RP2: variants seen among roughly 807,000 people sequenced by gnomAD.
RP2 encodes RP2 activator of ARL3 GTPase, also known as protein XRP2.
A neutral mutation model predicts 20.3 loss-of-function variants in RP2; 3 were observed. That is an observed-to-expected ratio of 0.15 (90% CI 0.07 to 0.38). The LOEUF (loss-of-function observed/expected upper bound fraction) is 0.38, where lower values mean the gene tolerates loss of function less well. Ranked by LOEUF, RP2 falls within the 10% of genes least tolerant of loss-of-function variation. The pLI is 1.00. For synonymous variants in RP2, 75 were observed against 94.8 expected (o/e 0.79, Z 1.22); for missense variants, 233 against 268.5 (o/e 0.87, Z 0.92).
chrX:46,857,138 A>ATTT, intron 2 of RP2, among the ~76,000 whole-genome samples: 1 of 105,857 alleles, frequency 9.4e-6, no homozygotes, highest in African/African-American at 3.4e-5. Flanking sequence ...TTAAATAATG[A>ATTT]TTTTTTTTTT....
rs148150412 is a variant in RP2, at chrX:46,861,682, A to G, written c.883+1580A>G. Reference sequence around the variant, plus strand: ...CAACGTTGCAAGACCTTGTCACTACAAAAAATACAAAAATTAGCTAGGGGT... The same window carrying G: ...CAACGTTGCAAGACCTTGTCACTACGAAAAATACAAAAATTAGCTAGGGGT... On this transcript the variant is annotated intron_variant, in intron 3 of 4. Coordinates refer to ENST00000218340, the MANE Select transcript of RP2 (RefSeq NM_006915.3). Among the ~76,000 whole-genome samples the G allele has an allele frequency of 5.8e-3, 646 of 111,294 alleles. 6 individuals carry two copies. The highest frequency in any genetic ancestry group is 0.014 in the Middle Eastern group (3 of 216).
intron 2 of RP2, 71 bp from the exon 3 acceptor site, chrX:46,859,917 C>T: frequency 2.7e-6 from 2 of 741,372 alleles, no homozygotes; most frequent in Non-Finnish European, 4.2e-6. Flanking sequence ...CAGAGAAATA[C>T]TAGAATAGGA....
At chrX:46,860,838 G>A (rs1925049059) in intron 3 of RP2, among the ~76,000 whole-genome samples, 1 of 111,581 alleles carries the variant, frequency 9.0e-6, no homozygotes, top group Non-Finnish European at 1.9e-5. Context: ...CTAGAGAGAG[G>A]GCACATCTGC....
intron 2 of RP2, among the ~76,000 whole-genome samples, chrX:46,859,765 CCCTTAA>C (rs1925032467): frequency 9.0e-6 from 1 of 111,462 alleles, no homozygotes; most frequent in South Asian, 3.6e-4. Flanking sequence ...ATTTATTTGA[CCCTTAA>C]CCTTAACTGC....
At chrX:46,861,670 C>T (rs782651086) in intron 3 of RP2, among the ~76,000 whole-genome samples, 51 of 111,255 alleles carry the variant, frequency 4.6e-4, no homozygotes, top group African/African-American at 1.6e-3. Flanking sequence ...CGTTGCAAGA[C>T]CTTGTCACTA....
intron 1 of RP2, among the ~76,000 whole-genome samples, chrX:46,837,452 C>T (rs1455384055): frequency 2.7e-5 from 3 of 111,617 alleles, no homozygotes; most frequent in African/African-American, 9.8e-5. Flanking sequence ...ACAGACTCCC[C>T]CGGGAGCTTT....
At chrX:46,855,763 G>A (rs782160235) in intron 2 of RP2, among the ~76,000 whole-genome samples, 6 of 109,362 alleles carry the variant, frequency 5.5e-5, no homozygotes, top group Non-Finnish European at 1.1e-4. Context: ...CACCACGCTC[G>A]GCCGGAAAAC....
At chrX:46,862,449 A>G (rs930296614) in intron 3 of RP2, among the ~76,000 whole-genome samples, 10 of 110,576 alleles carry the variant, frequency 9.0e-5, no homozygotes, top group African/African-American at 3.3e-4. Context: ...TCACAAGGTC[A>G]GGAGATCAAG....
intron 2 of RP2, among the ~76,000 whole-genome samples, chrX:46,857,853 C>T (rs901761974): frequency 2.7e-5 from 3 of 112,051 alleles, no homozygotes; most frequent in Non-Finnish European, 5.6e-5. Context: ...AGATGATAAG[C>T]ACTCTAGAAA....
chrX:46,853,951 C>G lies in RP2; in HGVS notation c.578C>G (p.Ala193Gly). 8.3e-7 allele frequency: 1 copy of G among 1,211,837 alleles called. No homozygotes were observed. The highest frequency in any genetic ancestry group is 1.1e-6 in the Non-Finnish European group (1 of 895,427). ...ELNWSLLPED[A>G]VVQDYVPIPT... Reference sequence around the variant, plus strand: ...AACTGGAGCCTTCTTCCAGAAGATGCTGTGGTTCAGGACTATGTTCCTATA... The same window carrying G: ...AACTGGAGCCTTCTTCCAGAAGATGGTGTGGTTCAGGACTATGTTCCTATA... Residue 193 changes from alanine (A) to glycine (G), a missense_variant, in exon 2 of 5, where the codon GCT becomes GGT. Ala to Gly is a moderately conservative substitution (Grantham distance 60). Coordinates refer to ENST00000218340, the MANE Select transcript of RP2 (RefSeq NM_006915.3).
At chrX:46,847,768 G>GTGTGTGTGTACATACACACA (rs1569531394) in intron 1 of RP2, among the ~76,000 whole-genome samples, 2 of 59,583 alleles carry the variant, frequency 3.4e-5, no homozygotes, top group Admixed American at 2.2e-4. Flanking sequence ...ATACACACAT[G>GTGTGTGTGTACATACACACA]TGTGTGTGTA....
At chrX:46,846,976 A>T (rs782032000) in intron 1 of RP2, among the ~76,000 whole-genome samples, 92 of 111,582 alleles carry the variant, frequency 8.2e-4, no homozygotes, top group Non-Finnish European at 1.3e-3. Context: ...CGATCGTCCC[A>T]CCTTGGCCTC....
rs1556328685 is a variant in RP2, at chrX:46,881,261, G to A, written c.*1492G>A. On this transcript the variant is annotated 3_prime_UTR_variant, in exon 5 of 5. Coordinates refer to ENST00000218340, the MANE Select transcript of RP2 (RefSeq NM_006915.3). ...GTGCGTGGCCTTGTGCTAACCATTA[G>A]CACTGCATCATTTCAATTCTTTTAT... The A allele has an allele frequency of 9.0e-6, 1 of 111,159 alleles. No individual in the cohort carries two copies. The highest frequency in any genetic ancestry group is 1.9e-5 in the Non-Finnish European group (1 of 53,017). 9.2% of individuals were successfully genotyped at this position (111,159 alleles called of 1,213,427 possible). A position where few individuals can be genotyped will look rare whatever the true frequency, so the allele number is the denominator to read the frequency against.
At chrX:46,869,033 A>T (rs1178496084) in intron 3 of RP2, among the ~76,000 whole-genome samples, 1 of 110,524 alleles carries the variant, frequency 9.0e-6, no homozygotes, top group Non-Finnish European at 1.9e-5. Context: ...TGGGAGGCAG[A>T]GGTTGCAGTT....
At chrX:46,861,791 T>A (rs1415949767) in intron 3 of RP2, among the ~76,000 whole-genome samples, 1 of 111,528 alleles carries the variant, frequency 9.0e-6, no homozygotes, top group African/African-American at 3.3e-5. Flanking sequence ...CAGTGAGTTA[T>A]GCTCATGCCA....
chrX:46,847,937 T>C (rs1356910959), intron 1 of RP2, among the ~76,000 whole-genome samples: 1 of 99,809 alleles, frequency 1.0e-5, no homozygotes, highest in Non-Finnish European at 2.0e-5. Context: ...TACATATATA[T>C]ATATATATAT....
intron 3 of RP2, among the ~76,000 whole-genome samples, chrX:46,860,807 G>A (rs1925048432): frequency 8.9e-6 from 1 of 111,972 alleles, no homozygotes; most frequent in Non-Finnish European, 1.9e-5. Flanking sequence ...ATAGTAATAC[G>A]CAGTGTTGAT....
At chrX:46,877,465 G>A (rs1556327823) in intron 3 of RP2, 40 bp from the exon 4 acceptor site, 1 of 893,384 alleles carries the variant, frequency 1.1e-6, no homozygotes, top group Non-Finnish European at 1.7e-6. Context: ...GAATATATTT[G>A]TATTTGTGTT....
At chrX:46,854,544 GA>G (rs1556318832) in intron 2 of RP2, among the ~76,000 whole-genome samples, 1 of 110,885 alleles carries the variant, frequency 9.0e-6, no homozygotes, top group African/African-American at 3.3e-5. Context: ...TGCTTATCTG[GA>G]ATGCATCTTA....
Sources: allele counts gnomAD v4.1 joint callset (sites outside exome capture counted in the v4.1 genomes callset), GRCh38; gene constraint gnomAD v4.1.1; transcripts MANE v1.5; gene names NCBI Gene and HGNC (gene_info 2026-07-23, HGNC 2026-07-21).